Variants in MPDZ observed in about 807,000 individuals in gnomAD.
The protein encoded by MPDZ is multiple PDZ domain protein.
A neutral mutation model predicts 239.1 loss-of-function variants in MPDZ; 234 were observed. That is an observed-to-expected ratio of 0.98 (90% CI 0.88 to 1.09). MPDZ has a LOEUF of 1.09. MPDZ is among the 50% of genes least tolerant of loss of function. The pLI is 0.00. For missense variants in MPDZ, 3,175 were observed against 2,510.0 expected, an observed-to-expected ratio of 1.26 and a Z score of -5.66; for synonymous variants, 1,048 against 881.3, an observed-to-expected ratio of 1.19 and a Z score of -3.35.
chr9:13,253,057 G>A (rs1968524401), intron 1 of MPDZ, among the ~76,000 whole-genome samples: 2 of 152,110 alleles, frequency 1.3e-5, no homozygotes, highest in African/African-American at 4.8e-5. Flanking sequence ...ACATACATGG[G>A]AGGTAGACCT....
chr9:13,126,516 C>A lies in MPDZ; in HGVS notation c.4632G>T (p.Lys1544Asn), dbSNP rs767801668. Residue 1544 changes from lysine to asparagine, a missense_variant and splice_region_variant, in exon 34 of 47, where the codon AAG becomes AAT. Lys to Asn is a moderately conservative substitution (Grantham distance 94, BLOSUM62 0). Transcript: ENST00000319217. ...DEIVVGYPIE[K>N]FISLLKTAKM... is the part of the protein sequence containing the mutation. ...CATTTACTTTATTTTGGAAAATTAC[C>A]TTTTCAATAGGGTAACCAACAACAA... The A allele has an allele frequency of 4.5e-6, 7 of 1,555,068 alleles. No individual in the cohort carries two copies. The highest frequency in any genetic ancestry group is 1.7e-4 in the Middle Eastern group (1 of 5,994).
At chr9:13,133,382 G>A (rs1946287633) in intron 32 of MPDZ, among the ~76,000 whole-genome samples, 1 of 152,074 alleles carries the variant, frequency 6.6e-6, no homozygotes, top group African/African-American at 2.4e-5. Flanking sequence ...CCTTTTTAAG[G>A]CAATCATCGG....
At chr9:13,110,405 C>T (rs1942248979) in intron 44 of MPDZ, among the ~76,000 whole-genome samples, 1 of 152,072 alleles carries the variant, frequency 6.6e-6, no homozygotes, top group East Asian at 1.9e-4. Context: ...CTGCTAAGGC[C>T]TGGATTTTTT....
At chr9:13,125,483 C>A in intron 34 of MPDZ, 93 bp from the exon 35 acceptor site, 1 of 1,195,446 alleles carries the variant, frequency 8.4e-7, no homozygotes. Context: ...ATCTAATTCT[C>A]TCTATGGTTA....
At chr9:13,216,325 T>TC (rs532431279) in intron 10 of MPDZ, among the ~76,000 whole-genome samples, 29 of 149,498 alleles carry the variant, frequency 1.9e-4, no homozygotes, top group African/African-American at 6.9e-4. Context: ...TTATATATCC[T>TC]CAGGGCTGAA....
intron 1 of MPDZ, among the ~76,000 whole-genome samples, chr9:13,277,341 A>G (rs1796315373): frequency 6.6e-6 from 1 of 152,216 alleles, no homozygotes; most frequent in Non-Finnish European, 1.5e-5. Flanking sequence ...TATGTAAGAA[A>G]TAAGGTACAC....
intron 3 of MPDZ, among the ~76,000 whole-genome samples, chr9:13,224,825 C>T (rs931075636): frequency 2.0e-5 from 3 of 152,008 alleles, no homozygotes; most frequent in Admixed American, 6.6e-5. Context: ...CAAAAACTAC[C>T]GCCAGGGTTC....
At position 13,183,365 on chromosome 9, in the gene MPDZ, A is replaced by C. The variant is rs1010573356; in HGVS notation, c.2649+53T>G. Reference sequence around the variant, plus strand: ...ACTCCCCATAAGGACTGAGCTCTGGAAAATTACACACAAGACTTTCCTATA... The same window carrying C: ...ACTCCCCATAAGGACTGAGCTCTGGCAAATTACACACAAGACTTTCCTATA... On this transcript the variant is annotated intron_variant, in intron 19 of 46. Coordinates refer to ENST00000319217, the MANE Select transcript of MPDZ (RefSeq NM_001378778.1). The C allele has an allele frequency of 1.3e-5, 19 of 1,478,068 alleles. No homozygotes were observed. The African/African-American group carries it at 2.6e-4, about 20-fold the overall frequency. The allele number at this position is 1,478,068 out of a possible 1,614,324, so 91.6% of individuals were successfully genotyped here.
rs1253835474 is a variant in MPDZ, at chr9:13,175,967, T to C, written c.2932-92A>G. Reference sequence around the variant, plus strand: ...AACATCACGCATGTTCTCTAATTGATTGTGCTTTATTTTGCAAGAACCTGC... The same window carrying C: ...AACATCACGCATGTTCTCTAATTGACTGTGCTTTATTTTGCAAGAACCTGC... On this transcript the variant is annotated intron_variant, in intron 20 of 46. Coordinates refer to ENST00000319217, the MANE Select transcript of MPDZ (RefSeq NM_001378778.1). The C allele has an allele frequency of 1.6e-5, 23 of 1,466,826 alleles. No homozygotes were observed. The East Asian group carries it at 5.2e-4, about 33-fold the overall frequency. 90.9% of individuals were successfully genotyped at this position (1,466,826 alleles called of 1,614,324 possible).
chr9:13,201,263 T>C (rs929616979), intron 12 of MPDZ, among the ~76,000 whole-genome samples: 9 of 152,118 alleles, frequency 5.9e-5, no homozygotes, highest in Admixed American at 4.6e-4. Context: ...CCCATTTGCA[T>C]GAAATTTCTC....
intron 3 of MPDZ, among the ~76,000 whole-genome samples, chr9:13,231,336 T>A (rs999994241): frequency 2.0e-5 from 3 of 151,932 alleles, no homozygotes; most frequent in Middle Eastern, 3.2e-3. Context: ...GAGGCCGAGG[T>A]GGGTGGACTA....
rs182995738 is a variant in MPDZ at position 13,157,447 on chromosome 9, A to G, written c.3452+571T>C. ...CATAATCAGGACTCAGTAAATTCCT[A>G]TTAAACTAAAGTTGATTTTACTCAG... On this transcript the variant is annotated intron_variant, in intron 24 of 46. Coordinates refer to ENST00000319217, the MANE Select transcript of MPDZ (RefSeq NM_001378778.1). Among the ~76,000 whole-genome samples the G allele has an allele frequency of 6.0e-4, 92 of 152,278 alleles. 1 individual carries two copies. Among genetic ancestry groups the G allele is most frequent in the African/African-American group, 2.1e-3 (88 of 41,560 alleles).
chr9:13,199,684 G>C (rs556962342), intron 12 of MPDZ, among the ~76,000 whole-genome samples: 2 of 152,082 alleles, frequency 1.3e-5, no homozygotes, highest in South Asian at 2.1e-4. Context: ...TCTATTGCTA[G>C]CTTGTTGAAA....
intron 1 of MPDZ, among the ~76,000 whole-genome samples, chr9:13,268,774 G>A (rs1322773234): frequency 2.0e-5 from 3 of 152,334 alleles, no homozygotes; most frequent in East Asian, 3.9e-4. Context: ...TGACAGTGAG[G>A]CTGCAGTACT....
chr9:13,252,993 T>C (rs1186880885), intron 1 of MPDZ, among the ~76,000 whole-genome samples: 5 of 152,210 alleles, frequency 3.3e-5, no homozygotes, highest in Non-Finnish European at 5.9e-5. Flanking sequence ...GATAAAATTA[T>C]ACATGTGTTT....
intron 19 of MPDZ, among the ~76,000 whole-genome samples, chr9:13,182,331 A>G (rs905436944): frequency 3.9e-5 from 6 of 152,114 alleles, no homozygotes; most frequent in Admixed American, 2.6e-4. Context: ...CCATGATTTA[A>G]TAGATATAAA....
intron 26 of MPDZ, among the ~76,000 whole-genome samples, chr9:13,143,977 T>C (rs1216887453): frequency 6.6e-6 from 1 of 152,102 alleles, no homozygotes; most frequent in African/African-American, 2.4e-5. Flanking sequence ...TTTTAAATAA[T>C]CTGTCTAGAA....
intron 1 of MPDZ, among the ~76,000 whole-genome samples, chr9:13,272,604 T>A (rs1973239223): frequency 6.8e-6 from 1 of 147,800 alleles, no homozygotes; most frequent in Non-Finnish European, 1.5e-5. Context: ...ACTCCTGTAA[T>A]CCCAACACTT....
intron 13 of MPDZ, among the ~76,000 whole-genome samples, chr9:13,195,018 T>C (rs1955458731): frequency 6.6e-6 from 1 of 151,322 alleles, no homozygotes. Flanking sequence ...CAAGGTGCAG[T>C]GGTGCATGCC....
Sources: allele counts gnomAD v4.1 joint callset (sites outside exome capture counted in the v4.1 genomes callset), GRCh38; gene constraint gnomAD v4.1.1; transcripts MANE v1.5; gene names NCBI Gene and HGNC (gene_info 2026-07-23, HGNC 2026-07-21).